The following MAGI3 variants were observed in gnomAD, a reference collection of about 807,000 sequenced individuals.
The protein encoded by MAGI3 is membrane associated guanylate kinase, WW and PDZ domain containing 3.
In MAGI3, 43 loss-of-function variants were observed where a neutral mutation model predicts 121.8. The ratio of observed to expected loss-of-function variants is 0.35; its 90% CI spans 0.28 to 0.46. MAGI3 has a LOEUF of 0.46. Among genes scored for constraint, MAGI3 ranks in the 20% least tolerant of loss-of-function variants. The probability of loss-of-function intolerance (pLI) is 1.00; values close to 1 mark genes in which losing one functional copy is unlikely to be tolerated. For missense variants in MAGI3, 1,547 were observed against 1,797.3 expected, an observed-to-expected ratio of 0.86 and a Z score of 2.52; for synonymous variants, 553 against 639.3, an observed-to-expected ratio of 0.86 and a Z score of 2.04.
chr1:113,541,453 A>G (rs143846660), intron 1 of MAGI3, among the ~76,000 whole-genome samples: 43 of 152,330 alleles, frequency 2.8e-4, no homozygotes, highest in African/African-American at 9.6e-4. Flanking sequence ...TAGTTTTAAA[A>G]ATGGAAATGG....
intron 2 of MAGI3, among the ~76,000 whole-genome samples, chr1:113,570,521 G>A (rs553308051): frequency 1.3e-5 from 2 of 152,188 alleles, no homozygotes; most frequent in Middle Eastern, 3.4e-3. Flanking sequence ...GTGTAAAAAC[G>A]TTCCTATTTC....
At chr1:113,580,697 A>ACTAT in intron 3 of MAGI3, 36 bp downstream of exon 3, 1 of 1,539,944 alleles carries the variant, frequency 6.5e-7, no homozygotes, top group Non-Finnish European at 8.7e-7. Flanking sequence ...CACCCAAAAA[A>ACTAT]CTATCTGAAC....
At chr1:113,472,610 T>A (rs1198576201) in intron 1 of MAGI3, among the ~76,000 whole-genome samples, 1 of 151,980 alleles carries the variant, frequency 6.6e-6, no homozygotes. Context: ...TTTTTTTTAA[T>A]AATGATATGC....
intron 14 of MAGI3, among the ~76,000 whole-genome samples, chr1:113,653,180 ATTATAT>A (rs1328896472): frequency 2.0e-5 from 3 of 152,344 alleles, no homozygotes; most frequent in Non-Finnish European, 4.4e-5. Context: ...ACTGAGCTAA[ATTATAT>A]TTATAATTGA....
chr1:113,627,118 G>A (rs1367380912), intron 9 of MAGI3, among the ~76,000 whole-genome samples: 1 of 151,732 alleles, frequency 6.6e-6, no homozygotes, highest in African/African-American at 2.4e-5. Context: ...ATAGGTTTTG[G>A]TGTGTTTTGT....
intron 6 of MAGI3, among the ~76,000 whole-genome samples, chr1:113,599,235 G>A (rs551649149): frequency 8.7e-4 from 132 of 152,130 alleles, no homozygotes; most frequent in African/African-American, 3.0e-3. Flanking sequence ...AGAACTGAAG[G>A]AAATAGAGAC....
intron 1 of MAGI3, among the ~76,000 whole-genome samples, chr1:113,476,410 T>C (rs1655822865): frequency 6.6e-6 from 1 of 152,252 alleles, no homozygotes; most frequent in South Asian, 2.1e-4. Context: ...CCAGAGATTC[T>C]GGTAAGTTGT....
At chr1:113,393,973 G>GA (rs1650958775) in intron 1 of MAGI3, among the ~76,000 whole-genome samples, 2 of 152,170 alleles carry the variant, frequency 1.3e-5, no homozygotes, top group Non-Finnish European at 2.9e-5. Flanking sequence ...TTTGTAAGAT[G>GA]TAATACTAAT....
chr1:113,446,153 A>G (rs6661923), intron 1 of MAGI3, among the ~76,000 whole-genome samples: 83,201 of 152,018 alleles, frequency 0.55, 24,140 homozygotes, highest in African/African-American at 0.73. Context: ...ACATAATTTA[A>G]GAAACTATCA....
In MAGI3 at chr1:113,421,794, G is replaced by T. The variant is rs139771970; in HGVS notation, c.316+30445G>T. Among the ~76,000 whole-genome samples the T allele has an allele frequency of 2.7e-3, 413 of 152,168 alleles. 1 individual carries two copies. Among genetic ancestry groups the T allele is most frequent in the Non-Finnish European group, 4.6e-3 (316 of 68,012 alleles). On this transcript the variant is annotated intron_variant, in intron 1 of 20. Coordinates refer to ENST00000307546, the MANE Select transcript of MAGI3 (RefSeq NM_001142782.2). The stretch of plus-strand genomic sequence containing the variant: ...TGGCTCTGTAATTACTTCTGTATTT[G>T]CTTTGAGGTGTATTTCTGGACTGCT...
At chr1:113,598,972 A>T (rs1177822024) in intron 6 of MAGI3, among the ~76,000 whole-genome samples, 1 of 152,190 alleles carries the variant, frequency 6.6e-6, no homozygotes, top group Admixed American at 6.5e-5. Context: ...TTTTGTGGGC[A>T]TTTAGTGCTA....
intron 1 of MAGI3, chr1:113,450,038 A>G: frequency 1.3e-6 from 2 of 1,558,092 alleles, no homozygotes; most frequent in Non-Finnish European, 1.8e-6. Flanking sequence ...GTATTAAAGA[A>G]GATACAGAAG....
At chr1:113,608,543 T>G (rs1343101596) in intron 6 of MAGI3, among the ~76,000 whole-genome samples, 1 of 152,198 alleles carries the variant, frequency 6.6e-6, no homozygotes, top group Non-Finnish European at 1.5e-5. Context: ...TGTGTTCAAC[T>G]GCAAGCCTCC....
rs1341122358 is a variant in MAGI3, at chr1:113,627,047, T to TTA, written c.1360+4062_1360+4063dup. ...TTATTTATTTGAAGTTTTTCTTTTTTTATATATATAGGCACTTATAGCTAT... is the reference window on the plus strand; with the variant it reads ...TTATTTATTTGAAGTTTTTCTTTTTTTATATATATATAGGCACTTATAGCTAT... On this transcript the variant is annotated intron_variant, in intron 9 of 20. Transcript: ENST00000307546. Among the ~76,000 whole-genome samples, 12 of 152,140 alleles carry TTA rather than the reference T, an allele frequency of 7.9e-5. No homozygotes were observed. The East Asian group carries it at 2.3e-3, about 29-fold the overall frequency.
At chr1:113,605,135 C>T (rs1649675298) in intron 6 of MAGI3, among the ~76,000 whole-genome samples, 1 of 151,912 alleles carries the variant, frequency 6.6e-6, no homozygotes, top group South Asian at 2.1e-4. Flanking sequence ...TCACAGTTTC[C>T]TATGAGGTAA....
intron 16 of MAGI3, 103 bp from the exon 17 acceptor site, chr1:113,671,631 G>A: frequency 9.7e-7 from 1 of 1,035,372 alleles, no homozygotes; most frequent in Non-Finnish European, 1.5e-6. Flanking sequence ...ACTAAAGTCA[G>A]TACAGCAATA....
intron 1 of MAGI3, among the ~76,000 whole-genome samples, chr1:113,480,081 A>G (rs567838330): frequency 6.6e-5 from 10 of 152,094 alleles, no homozygotes; most frequent in Non-Finnish European, 1.5e-4. Flanking sequence ...ATTCCTTGTC[A>G]GGTAATTTGT....
chr1:113,679,750 G>C lies in MAGI3; in HGVS notation c.3190-1448G>C, dbSNP rs568612575. Among the ~76,000 whole-genome samples the C allele has an allele frequency of 3.7e-4, 55 of 148,606 alleles. 3 individuals carry two copies. The South Asian group carries it at 0.012, about 32-fold the overall frequency. On this transcript the variant is annotated intron_variant, in intron 19 of 20. Coordinates refer to ENST00000307546, the MANE Select transcript of MAGI3 (RefSeq NM_001142782.2). ...GAGACGGAGTTTCGCTCGCTGCCCA[G>C]ACTGGAGTGCAGTGGTGCAATCTCG...
At chr1:113,630,426 G>A (rs897087640) in intron 9 of MAGI3, among the ~76,000 whole-genome samples, 3 of 152,078 alleles carry the variant, frequency 2.0e-5, no homozygotes, top group African/African-American at 7.2e-5. Flanking sequence ...CAGGGACCCC[G>A]AGAGCCTGCG....
Sources: allele counts gnomAD v4.1 joint callset (sites outside exome capture counted in the v4.1 genomes callset), GRCh38; gene constraint gnomAD v4.1.1; transcripts MANE v1.5; gene names NCBI Gene and HGNC (gene_info 2026-07-23, HGNC 2026-07-21).